Variants in APOL5 observed in about 807,000 individuals in gnomAD.
The protein encoded by APOL5 is apolipoprotein L, 5.
A neutral mutation model predicts 35.5 loss-of-function variants in APOL5; 29 were observed. That is an observed-to-expected ratio of 0.82 (90% CI 0.61 to 1.11). The LOEUF (loss-of-function observed/expected upper bound fraction) is 1.11, where lower values mean the gene tolerates loss of function less well. Ranked by LOEUF, APOL5 falls within the 50% of genes most tolerant of loss-of-function variation. The pLI, the probability that APOL5 is intolerant of heterozygous loss-of-function variation, is 0.00. For synonymous variants in APOL5, 188 were observed against 200.2 expected, an observed-to-expected ratio of 0.94 and a Z score of 0.51; for missense variants, 514 against 530.4, an observed-to-expected ratio of 0.97 and a Z score of 0.30.
Position 35,727,040 on chromosome 22 carries a change from G to C in APOL5, c.972G>C (p.Glu324Asp). 8 of 1,614,008 alleles carry C rather than the reference G, an allele frequency of 5.0e-6. No individual in the cohort carries two copies. Among genetic ancestry groups the C allele is most frequent in the Non-Finnish European group, 6.8e-6 (8 of 1,180,014 alleles). The change falls in exon 3 of 5, where the codon GAG becomes GAC. Residue 324 changes from glutamate to aspartate, a missense_variant. By Grantham distance (45) the Glu-to-Asp change is conservative. Coordinates refer to ENST00000249044, the MANE Select transcript of APOL5 (RefSeq NM_030642.1). Reference sequence around the variant, plus strand: ...ACCTGGAGGATGGGGCAAGGACGGAGACAGCAGAGGAACTGAGAGCACTTG... The same window carrying C: ...ACCTGGAGGATGGGGCAAGGACGGACACAGCAGAGGAACTGAGAGCACTTG... ...WKHLEDGART[E>D]TAEELRALAK...
chr22:35,725,572 A>T (rs1601898811), intron 2 of APOL5, among the ~76,000 whole-genome samples: 1 of 151,026 alleles, frequency 6.6e-6, no homozygotes, highest in Admixed American at 6.6e-5. Context: ...TTTTTTTTTT[A>T]AAGGATAATT....
chr22:35,727,779 C>T (rs1927221688), intron 3 of APOL5, among the ~76,000 whole-genome samples: 1 of 152,160 alleles, frequency 6.6e-6, no homozygotes, highest in Admixed American at 6.6e-5. Flanking sequence ...GTGATAAAAA[C>T]GGCACTTCAA....
intron 1 of APOL5, 96 bp from the exon 2 acceptor site, chr22:35,720,472 T>G: frequency 1.0e-6 from 1 of 956,240 alleles, no homozygotes; most frequent in Non-Finnish European, 1.6e-6. Context: ...TTCTCCAATA[T>G]TGTAATTAGA....
At chr22:35,709,405 T>C in the APOL5 span, among the ~76,000 whole-genome samples, 3 of 151,260 alleles carry the variant, frequency 2.0e-5, no homozygotes, top group African/African-American at 2.4e-5. Context: ...CTTCTGAGAG[T>C]TTCTATTTTC....
chr22:35,714,942 T>C (rs1197009193), upstream of APOL5, among the ~76,000 whole-genome samples: 1 of 152,238 alleles, frequency 6.6e-6, no homozygotes, highest in Non-Finnish European at 1.5e-5. Flanking sequence ...AGAAGGGTAG[T>C]TCTTTCTCGC....
chr22:35,711,670 C>G, the APOL5 span, among the ~76,000 whole-genome samples: 4 of 94,526 alleles, frequency 4.2e-5, no homozygotes, highest in Admixed American at 4.6e-4. Context: ...CTCTCTTCCT[C>G]CCTTCCTTTC....
At chr22:35,712,834 GT>G in the APOL5 span, among the ~76,000 whole-genome samples, 1 of 152,214 alleles carries the variant, frequency 6.6e-6, no homozygotes, top group African/African-American at 2.4e-5. Flanking sequence ...GGAATTGGCA[GT>G]TTTCAGATTG....
rs753261485 is a variant in APOL5, at chr22:35,726,622, T to C, written c.554T>C (p.Ile185Thr). Residue 185 changes from isoleucine (I) to threonine (T), a missense_variant, in exon 3 of 5, where the codon ATA becomes ACA. Transcript: ENST00000249044. ...GGGGCAGCAGCTGCCATCACCAACA[T>C]AGTAACAAATGTCTTAGAAAATAGA... is the stretch of plus-strand genomic sequence containing the variant. ...GLGAAAAITN[I>T]VTNVLENRSN... The C allele has an allele frequency of 1.2e-6, 2 of 1,614,006 alleles. No homozygotes were observed. Among genetic ancestry groups the C allele is most frequent in the South Asian group, 1.1e-5 (1 of 91,086 alleles).
the APOL5 span, among the ~76,000 whole-genome samples, chr22:35,711,495 T>A: frequency 6.6e-6 from 1 of 152,156 alleles, no homozygotes; most frequent in Non-Finnish European, 1.5e-5. Context: ...AAACGTGTTG[T>A]TTTTTATGGA....
In APOL5 at chr22:35,727,037, G is replaced by A. The variant is rs754992975; in HGVS notation, c.969G>A (p.Thr323=). The A allele has an allele frequency of 6.2e-6, 10 of 1,614,014 alleles. No individual in the cohort carries two copies. Among genetic ancestry groups the A allele is most frequent in the Non-Finnish European group, 7.6e-6 (9 of 1,180,004 alleles). ...AGCACCTGGAGGATGGGGCAAGGAC[G>A]GAGACAGCAGAGGAACTGAGAGCAC... The part of the protein sequence containing the change: ...SWKHLEDGAR[T]ETAEELRALA... Residue 323 remains threonine (T), a synonymous_variant, in exon 3 of 5, where the codon ACG becomes ACA. Coordinates refer to ENST00000249044, the MANE Select transcript of APOL5 (RefSeq NM_030642.1).
the APOL5 span, among the ~76,000 whole-genome samples, chr22:35,710,657 C>T: frequency 6.6e-6 from 1 of 152,162 alleles, no homozygotes; most frequent in African/African-American, 2.4e-5. Context: ...GAACTCTTGT[C>T]CTCTTGCAAA....
intron 3 of APOL5, among the ~76,000 whole-genome samples, 184 bp downstream of exon 3, chr22:35,727,378 G>C (rs1422130597): frequency 6.6e-6 from 1 of 152,116 alleles, no homozygotes; most frequent in Non-Finnish European, 1.5e-5. Context: ...CCAGAATTGC[G>C]TTCTGTTCTC....
intron 2 of APOL5, among the ~76,000 whole-genome samples, chr22:35,721,899 G>T (rs959488591): frequency 3.9e-5 from 6 of 152,202 alleles, no homozygotes; most frequent in Non-Finnish European, 8.8e-5. Flanking sequence ...GGGTTGCAAT[G>T]CTCCCGCAAT....
upstream of APOL5, among the ~76,000 whole-genome samples, chr22:35,715,951 C>A (rs192247215): frequency 4.7e-4 from 72 of 151,970 alleles, 1 homozygote; most frequent in East Asian, 0.01. Context: ...ATAATTATAA[C>A]AAAAAATAAT....
In APOL5 at chr22:35,726,971, C is replaced by T. The variant is rs1281970553; in HGVS notation, c.903C>T (p.Phe301=). ...TGATGGGTGCTGCTGGGGCTGGCTT[C>T]TTACTTATGAAAGACATGAGCAGCT... ...AWVMGAAGAG[F]LLMKDMSSFL... The change falls in exon 3 of 5, where the codon TTC becomes TTT. Residue 301 remains phenylalanine (F), a synonymous_variant. Coordinates refer to ENST00000249044, the MANE Select transcript of APOL5 (RefSeq NM_030642.1). 6 of 1,614,172 alleles carry T rather than the reference C, an allele frequency of 3.7e-6. No homozygotes were observed. The highest frequency in any genetic ancestry group is 1.7e-4 in the Middle Eastern group (1 of 6,060).
intron 2 of APOL5, 72 bp from the exon 3 acceptor site, chr22:35,726,126 AAGGTGGTTTCGAC>A: frequency 6.7e-7 from 1 of 1,482,582 alleles, no homozygotes; most frequent in Admixed American, 2.1e-5. Flanking sequence ...AATTTTTGCA[AAGGTGGTTTCGAC>A]ATTGTACCTC....
chr22:35,716,178 G>A (rs186580247), upstream of APOL5, among the ~76,000 whole-genome samples: 1 of 152,314 alleles, frequency 6.6e-6, no homozygotes, highest in African/African-American at 2.4e-5. Context: ...GTACTTGGCA[G>A]CATTCCCTGC....
Position 35,720,584 on chromosome 22 carries a change from T to C in APOL5, c.72T>C (p.Cys24=). 1 of 1,614,156 alleles carries C rather than the reference T, an allele frequency of 6.2e-7. No individual in the cohort carries two copies. The highest frequency in any genetic ancestry group is 8.5e-7 in the Non-Finnish European group (1 of 1,180,010). Residue 24 remains cysteine, a synonymous_variant, in exon 2 of 5, where the codon TGT becomes TGC. Coordinates refer to ENST00000249044, the MANE Select transcript of APOL5 (RefSeq NM_030642.1). ...SKVLPGLGEG[C]KEMWLRKVIY... ...CATCTCCAGGCTTGGGAGAAGGTTG[T>C]AAAGAAATGTGGCTTCGAAAGGTAA...
rs1232676690 is a variant in APOL5, at chr22:35,726,198, T to C, written c.143-13T>C. On this transcript the variant is annotated splice_polypyrimidine_tract_variant and intron_variant, in intron 2 of 4. Coordinates refer to ENST00000249044, the MANE Select transcript of APOL5 (RefSeq NM_030642.1). ...CACACATTTTAGTGCTCAGATTGCCTAGATGTCTTTAGCCTCACTCGTGAA... is the reference window on the plus strand; with the variant it reads ...CACACATTTTAGTGCTCAGATTGCCCAGATGTCTTTAGCCTCACTCGTGAA... The C allele has an allele frequency of 1.9e-6, 3 of 1,600,936 alleles. No individual in the cohort carries two copies. Among genetic ancestry groups the C allele is most frequent in the Non-Finnish European group, 1.7e-6 (2 of 1,169,572 alleles).
Sources: gnomAD v4.1 joint callset for allele counts (sites outside exome capture counted in the v4.1 genomes callset) on GRCh38, gnomAD v4.1.1 for gene constraint, MANE v1.5 for transcripts, NCBI Gene and HGNC (gene_info 2026-07-23, HGNC 2026-07-21) for gene names.